Variants in DGCR2 observed in about 807,000 individuals in gnomAD.
The protein encoded by DGCR2 is DiGeorge syndrome critical region gene 2, also known as integral membrane protein DGCR2/IDD.
In DGCR2, 24 loss-of-function variants were observed where a neutral mutation model predicts 51.6. The ratio of observed to expected loss-of-function variants is 0.47; its 90% CI spans 0.34 to 0.65. The LOEUF (loss-of-function observed/expected upper bound fraction) is 0.65. DGCR2 is among the 30% of genes least tolerant of loss of function. DGCR2 has a pLI of 0.01. For missense variants in DGCR2, 765 were observed against 772.1 expected (o/e 0.99, Z 0.11); for synonymous variants, 340 against 315.4 (o/e 1.08, Z -0.82).
intron 6 of DGCR2, among the ~76,000 whole-genome samples, chr22:19,053,320 T>C (rs2146319522): frequency 6.6e-6 from 1 of 152,214 alleles, no homozygotes; most frequent in South Asian, 2.1e-4. Flanking sequence ...AGTCACACAG[T>C]GGACTACTGC....
At chr22:19,062,086 GGAT>G (rs1340633977) in intron 5 of DGCR2, among the ~76,000 whole-genome samples, 4 of 152,176 alleles carry the variant, frequency 2.6e-5, no homozygotes, top group Non-Finnish European at 4.4e-5. Flanking sequence ...CAAGCTACCA[GGAT>G]AATTATGCTC....
chr22:19,055,588 CAA>C (rs921940639), intron 6 of DGCR2, among the ~76,000 whole-genome samples: 2 of 152,102 alleles, frequency 1.3e-5, no homozygotes, highest in Non-Finnish European at 2.9e-5. Context: ...AAAGAAGAAA[CAA>C]ACCCATCTAA....
intron 2 of DGCR2, among the ~76,000 whole-genome samples, chr22:19,083,696 C>T (rs181230794): frequency 8.8e-6 from 1 of 114,264 alleles, no homozygotes; most frequent in Non-Finnish European, 1.8e-5. Context: ...CCCTCTCCCC[C>T]CTCCCCCTCC....
chr22:19,087,516 T>A (rs1000124548), intron 2 of DGCR2, among the ~76,000 whole-genome samples: 4 of 152,130 alleles, frequency 2.6e-5, no homozygotes, highest in Admixed American at 1.3e-4. Flanking sequence ...CAGCTGGGAT[T>A]ACAGGTGCTC....
At chr22:19,104,489 G>A (rs1443243183) in intron 1 of DGCR2, among the ~76,000 whole-genome samples, 2 of 152,202 alleles carry the variant, frequency 1.3e-5, no homozygotes, top group African/African-American at 4.8e-5. Flanking sequence ...AAGAACAAGA[G>A]GGAGACAGAG....
At chr22:19,040,501 G>A (rs1200192753) in intron 9 of DGCR2, among the ~76,000 whole-genome samples, 1 of 152,218 alleles carries the variant, frequency 6.6e-6, no homozygotes, top group Non-Finnish European at 1.5e-5. Context: ...CCAGGGGTCA[G>A]GGGCCTGCCA....
Position 19,091,823 on chromosome 22 carries a change from C to A in DGCR2, c.80-2333G>T, listed in dbSNP as rs145482815. ...GGTGTGGTGATGCACGCCTGTAATC[C>A]CAGCAACGTGGGAGGCTGAGGCAGG... On this transcript the variant is annotated intron_variant, in intron 1 of 9. Transcript: ENST00000263196. Among the ~76,000 whole-genome samples the A allele has an allele frequency of 4.3e-3, 652 of 151,716 alleles. 3 individuals are homozygous for A. Among genetic ancestry groups the A allele is most frequent in the African/African-American group, 0.015 (630 of 41,356 alleles).
intron 7 of DGCR2, among the ~76,000 whole-genome samples, chr22:19,043,170 C>T (rs557735697): frequency 1.3e-4 from 20 of 152,382 alleles, no homozygotes; most frequent in Non-Finnish European, 2.2e-4. Context: ...GCTGCTGCGC[C>T]TTCCTCTGCT....
chr22:19,047,094 A>G (rs1448496944), intron 7 of DGCR2: 1 of 154,558 alleles, frequency 6.5e-6, no homozygotes, highest in Non-Finnish European at 1.4e-5. Context: ...CATGGCCCTA[A>G]ACAGACATGC....
chr22:19,066,168 G>A (rs1294471427), intron 3 of DGCR2, among the ~76,000 whole-genome samples: 1 of 152,188 alleles, frequency 6.6e-6, no homozygotes, highest in Non-Finnish European at 1.5e-5. Context: ...GGGAGGCCGA[G>A]GTGGGCAGAT....
intron 5 of DGCR2, among the ~76,000 whole-genome samples, chr22:19,058,491 C>T (rs1165284220): frequency 6.6e-6 from 1 of 152,210 alleles, no homozygotes; most frequent in East Asian, 1.9e-4. Context: ...TTCCTCCAGG[C>T]CCCCGAGCCC....
In DGCR2 at chr22:19,076,975, C is replaced by T. The variant is rs530802111; in HGVS notation, c.203-8750G>A. Among the ~76,000 whole-genome samples, 16 of 152,078 alleles carry T rather than the reference C, an allele frequency of 1.1e-4. 1 individual carries two copies. Among genetic ancestry groups the T allele is most frequent in the South Asian group, 2.1e-4 (1 of 4,820 alleles). On this transcript the variant is annotated intron_variant, in intron 2 of 9. Coordinates refer to ENST00000263196, the MANE Select transcript of DGCR2 (RefSeq NM_005137.3). ...TCGATCTCCTGACCTTGTGATCCGC[C>T]GGCCTCCCAAAGTGCTGTGATTACA...
chr22:19,107,740 C>G (rs750776291), intron 1 of DGCR2, among the ~76,000 whole-genome samples: 1 of 152,094 alleles, frequency 6.6e-6, no homozygotes, highest in Non-Finnish European at 1.5e-5. Flanking sequence ...CATGGGGGTT[C>G]GGGCAGGAGG....
In DGCR2 at chr22:19,089,485, G is replaced by C; in HGVS notation, c.85C>G (p.Arg29Gly). The C allele has an allele frequency of 2.5e-6, 4 of 1,575,640 alleles. No individual in the cohort carries two copies. Among genetic ancestry groups the C allele is most frequent in the Non-Finnish European group, 3.5e-6 (4 of 1,157,088 alleles). The change falls in exon 2 of 10, where the codon CGG becomes GGG. Residue 29 changes from arginine to glycine, a missense_variant. Physicochemically the swap from Arg to Gly is moderately radical, Grantham distance 125 (BLOSUM62 -2). Around this residue, in one of 3 missense-constraint regions of DGCR2, gnomAD observed 370 missense variants for 325.5 expected, o/e 1.14. Coordinates refer to ENST00000263196, the MANE Select transcript of DGCR2 (RefSeq NM_005137.3). Reference sequence around the variant, plus strand: ...CACGCAAACTGCCCAGGGTTGCACCGCAGCTCTGTGGGACCAAAGGGTGAG... The same window carrying C: ...CACGCAAACTGCCCAGGGTTGCACCCCAGCTCTGTGGGACCAAAGGGTGAG... The part of the protein sequence containing the change: ...TVTEPLRPEL[R>G]CNPGQFACRS...
At chr22:19,108,772 C>CACACTTTG (rs1272119075) in intron 1 of DGCR2, among the ~76,000 whole-genome samples, 1 of 150,994 alleles carries the variant, frequency 6.6e-6, no homozygotes, top group Non-Finnish European at 1.5e-5. Context: ...AAATGAACCT[C>CACACTTTG]ACACTTTGGG....
chr22:19,063,400 G>C (rs1301921604), intron 4 of DGCR2, 122 bp from the exon 5 acceptor site: 9 of 876,324 alleles, frequency 1.0e-5, no homozygotes, highest in African/African-American at 1.7e-5. Flanking sequence ...GAGTGCAGTG[G>C]TGCGATCTCG....
chr22:19,080,780 C>A (rs560030049), intron 2 of DGCR2, among the ~76,000 whole-genome samples: 3 of 152,170 alleles, frequency 2.0e-5, no homozygotes, highest in Non-Finnish European at 2.9e-5. Context: ...AGGTTGCATT[C>A]AGCTGTGGTT....
At chr22:19,086,555 G>A (rs903434744) in intron 2 of DGCR2, among the ~76,000 whole-genome samples, 7 of 152,026 alleles carry the variant, frequency 4.6e-5, no homozygotes, top group African/African-American at 1.7e-4. Flanking sequence ...TCATAGGACC[G>A]TGAGTCAAGG....
intron 1 of DGCR2, among the ~76,000 whole-genome samples, chr22:19,116,333 C>T (rs1019782630): frequency 2.0e-5 from 3 of 152,236 alleles, no homozygotes; most frequent in Admixed American, 6.5e-5. Flanking sequence ...CTGCCAAGCC[C>T]GCCATGTCCA....
Sources: gnomAD v4.1 joint callset for allele counts (sites outside exome capture counted in the v4.1 genomes callset) on GRCh38, gnomAD v4.1.1 for gene constraint, gnomAD v4.1.1 regional missense constraint, MANE v1.5 for transcripts, NCBI Gene and HGNC (gene_info 2026-07-23, HGNC 2026-07-21) for gene names.